Variants in PTPRD observed in about 807,000 individuals in gnomAD.
PTPRD encodes the protein protein tyrosine phosphatase receptor type D, also known as receptor-type tyrosine-protein phosphatase delta.
In PTPRD, 34 loss-of-function variants were observed where a neutral mutation model predicts 214.5. The observed-to-expected ratio is 0.16, with a 90% CI of 0.12 to 0.21. PTPRD has a LOEUF of 0.21. PTPRD is among the 10% of genes least tolerant of loss of function. The probability of loss-of-function intolerance (pLI) is 1.00; values close to 1 mark genes in which losing one functional copy is unlikely to be tolerated. For missense variants in PTPRD, 2,545 were observed against 2,398.7 expected (o/e 1.06, Z -1.27); for synonymous variants, 1,128 against 845.7 (o/e 1.33, Z -5.79).
chr9:10,246,739 T>G (rs1364380691), intron 3 of PTPRD, among the ~76,000 whole-genome samples: 3 of 151,558 alleles, frequency 2.0e-5, no homozygotes, highest in Non-Finnish European at 4.4e-5. Flanking sequence ...AAAGCAAAAT[T>G]TCCAAAGCTT....
chr9:10,563,839 T>C (rs2064774012), intron 2 of PTPRD, among the ~76,000 whole-genome samples: 1 of 151,934 alleles, frequency 6.6e-6, no homozygotes, highest in Admixed American at 6.6e-5. Flanking sequence ...AATTATTTAT[T>C]TATTTATCTA....
chr9:10,281,318 C>T (rs1464901671), intron 3 of PTPRD, among the ~76,000 whole-genome samples: 1 of 149,402 alleles, frequency 6.7e-6, no homozygotes, highest in East Asian at 1.9e-4. Flanking sequence ...TCAGTTGTAT[C>T]ATTTGCTACA....
rs1198237191 is a variant in PTPRD at position 9,936,104 on chromosome 9, C to A, written c.-368+2403G>T. On this transcript the variant is annotated intron_variant, in intron 5 of 45. Coordinates refer to ENST00000381196, the MANE Select transcript of PTPRD (RefSeq NM_002839.4). The stretch of plus-strand genomic sequence containing the variant: ...AAGATGGATTAAAGACTTAAACGTT[C>A]GACCTAAAACCATAAAAGCCCTAGA... Among the ~76,000 whole-genome samples the A allele has an allele frequency of 9.0e-3, 1,245 of 139,020 alleles. 46 individuals carry two copies. The highest frequency in any genetic ancestry group is 0.028 in the African/African-American group (915 of 32,108). 91.2% of individuals were successfully genotyped at this position (139,020 alleles called of 152,430 possible). A position where few individuals can be genotyped will look rare whatever the true frequency, so the allele number is the denominator to read the frequency against.
At position 8,659,325 on chromosome 9, in the gene PTPRD, A is replaced by G. The variant is rs186134349; in HGVS notation, c.65-22481T>C. On this transcript the variant is annotated intron_variant, in intron 12 of 45. Coordinates refer to ENST00000381196, the MANE Select transcript of PTPRD (RefSeq NM_002839.4). ...GGCTACCATGCCAGAGAAGTCACAA[A>G]ATGTTCCAGCTGAAAACTGATTTAA... Among the ~76,000 whole-genome samples, 305 of 152,324 alleles carry G rather than the reference A, an allele frequency of 2.0e-3. 1 individual carries two copies. The highest frequency in any genetic ancestry group is 4.1e-3 in the Admixed American group (63 of 15,304).
At chr9:9,251,177 G>A (rs928898609) in intron 9 of PTPRD, among the ~76,000 whole-genome samples, 5 of 152,052 alleles carry the variant, frequency 3.3e-5, no homozygotes, top group African/African-American at 1.2e-4. Flanking sequence ...GGCATTGCCA[G>A]CAATAGATCC....
intron 35 of PTPRD, among the ~76,000 whole-genome samples, chr9:8,426,369 T>C (rs761723418): frequency 3.3e-5 from 5 of 152,192 alleles, no homozygotes; most frequent in African/African-American, 7.2e-5. Context: ...GCATCCACTA[T>C]GGCATCCCTC....
chr9:8,451,247 A>T (rs1422547171), intron 33 of PTPRD, among the ~76,000 whole-genome samples: 1 of 152,134 alleles, frequency 6.6e-6, no homozygotes, highest in African/African-American at 2.4e-5. Context: ...GTCCTATTAG[A>T]CATGTTGCTT....
intron 3 of PTPRD, among the ~76,000 whole-genome samples, chr9:10,135,804 T>A (rs1033391406): frequency 5.9e-5 from 9 of 151,928 alleles, no homozygotes; most frequent in African/African-American, 1.9e-4. Context: ...GCAGACACTA[T>A]AAAGCAACTA....
intron 9 of PTPRD, among the ~76,000 whole-genome samples, chr9:9,290,356 A>G (rs1156958989): frequency 6.6e-6 from 1 of 151,548 alleles, no homozygotes; most frequent in African/African-American, 2.4e-5. Flanking sequence ...TTAGATATTA[A>G]CGCCTTGTCA....
At chr9:8,825,932 A>C (rs1254446433) in intron 11 of PTPRD, among the ~76,000 whole-genome samples, 1 of 152,140 alleles carries the variant, frequency 6.6e-6, no homozygotes, top group African/African-American at 2.4e-5. Flanking sequence ...CTCCTACTGT[A>C]ACCTGTTTTA....
At chr9:8,756,832 A>G (rs943595424) in intron 11 of PTPRD, among the ~76,000 whole-genome samples, 2 of 152,192 alleles carry the variant, frequency 1.3e-5, no homozygotes, top group Non-Finnish European at 2.9e-5. Context: ...AAGAGTTGAA[A>G]TATGGCTCCA....
chr9:8,443,483 T>A (rs1226243335), intron 34 of PTPRD, among the ~76,000 whole-genome samples: 1 of 152,230 alleles, frequency 6.6e-6, no homozygotes, highest in Non-Finnish European at 1.5e-5. Flanking sequence ...ATCCGTTAAC[T>A]TTTTATGAGT....
chr9:9,514,059 C>T (rs1398236426), intron 8 of PTPRD, among the ~76,000 whole-genome samples: 1 of 151,988 alleles, frequency 6.6e-6, no homozygotes, highest in African/African-American at 2.4e-5. Context: ...GTGCTAAGTA[C>T]CCCAAAGCAA....
At chr9:10,285,879 G>A (rs2095334419) in intron 3 of PTPRD, among the ~76,000 whole-genome samples, 1 of 151,978 alleles carries the variant, frequency 6.6e-6, no homozygotes, top group African/African-American at 2.4e-5. Context: ...AAAGTGCTGG[G>A]ATACAGGCGT....
intron 4 of PTPRD, among the ~76,000 whole-genome samples, chr9:9,941,149 C>T (rs776240754): frequency 1.1e-4 from 17 of 152,112 alleles, no homozygotes; most frequent in African/African-American, 1.7e-4. Context: ...CATTCAAAGC[C>T]GTCCTGGGCC....
intron 11 of PTPRD, among the ~76,000 whole-genome samples, chr9:8,735,343 C>A (rs1178338653): frequency 6.6e-6 from 1 of 151,458 alleles, no homozygotes; most frequent in East Asian, 2.0e-4. Context: ...AAGGTTTCAC[C>A]ATGTTAACCA....
intron 12 of PTPRD, among the ~76,000 whole-genome samples, chr9:8,644,186 T>C (rs1033384803): frequency 2.0e-5 from 3 of 151,910 alleles, no homozygotes; most frequent in African/African-American, 7.3e-5. Flanking sequence ...TGATGAGAAC[T>C]GAGGACTTGC....
chr9:8,560,370 G>A (rs986755217), intron 14 of PTPRD, among the ~76,000 whole-genome samples: 3 of 150,812 alleles, frequency 2.0e-5, no homozygotes, highest in Non-Finnish European at 4.4e-5. Context: ...GGGGGGAGTG[G>A]AAGAAAACAA....
intron 14 of PTPRD, among the ~76,000 whole-genome samples, chr9:8,613,381 A>C (rs371341406): frequency 3.3e-5 from 5 of 152,148 alleles, no homozygotes; most frequent in East Asian, 1.9e-4. Context: ...ATAATATCTT[A>C]CTTTGCCTTC....
Sources: gnomAD v4.1 joint callset for allele counts (sites outside exome capture counted in the v4.1 genomes callset) on GRCh38, gnomAD v4.1.1 for gene constraint, MANE v1.5 for transcripts, NCBI Gene and HGNC (gene_info 2026-07-23, HGNC 2026-07-21) for gene names.